PARP8: variants seen among roughly 807,000 people sequenced by gnomAD.
The protein encoded by PARP8 is protein mono-ADP-ribosyltransferase PARP8.
In PARP8, 51 loss-of-function variants were observed where a neutral mutation model predicts 124.1. The observed-to-expected ratio is 0.41, with a 90% CI of 0.33 to 0.52. The LOEUF (loss-of-function observed/expected upper bound fraction) is 0.52, where lower values mean the gene tolerates loss of function less well. PARP8 is among the 20% of genes least tolerant of loss of function. The probability of loss-of-function intolerance (pLI) is 0.21; values close to 1 mark genes in which losing one functional copy is unlikely to be tolerated. For missense variants in PARP8, 860 were observed against 1,018.9 expected (o/e 0.84, Z 2.12); for synonymous variants, 391 against 361.5 (o/e 1.08, Z -0.93).
intron 2 of PARP8, among the ~76,000 whole-genome samples, chr5:50,729,054 CATT>C (rs1480241400): frequency 2.0e-5 from 3 of 152,056 alleles, no homozygotes; most frequent in African/African-American, 7.2e-5. Context: ...TTATGGAACA[CATT>C]AGTGTGCGGT....
At chr5:50,731,538 A>C (rs1756976312) in intron 2 of PARP8, among the ~76,000 whole-genome samples, 1 of 152,212 alleles carries the variant, frequency 6.6e-6, no homozygotes, top group Non-Finnish European at 1.5e-5. Context: ...AGGGTCGCTA[A>C]ACAGCTTTTT....
chr5:50,765,520 T>G lies in PARP8; in HGVS notation c.518+2278T>G, dbSNP rs559479518. ...TGCTGAAATTAGATTAAAAAATGTT[T>G]GGAAATTCAGTCAAATGAAGTATCT... is the stretch of plus-strand genomic sequence containing the variant. On this transcript the variant is annotated intron_variant, in intron 7 of 25. Transcript: ENST00000281631. Among the ~76,000 whole-genome samples, 18 of 152,308 alleles carry G rather than the reference T, an allele frequency of 1.2e-4. No homozygotes were observed. In the South Asian group the frequency reaches 3.3e-3, roughly 28 times the overall value.
intron 7 of PARP8, 136 bp from the exon 8 acceptor site, chr5:50,777,933 C>T (rs867582596): frequency 8.5e-5 from 56 of 661,258 alleles, no homozygotes; most frequent in African/African-American, 8.3e-4. Context: ...ATTTCATATC[C>T]ACAGTTAGAT....
At position 50,678,216 on chromosome 5, in the gene PARP8, A is replaced by G. The variant is rs537022318; in HGVS notation, c.146+10091A>G. Among the ~76,000 whole-genome samples, 18 of 152,326 alleles carry G rather than the reference A, an allele frequency of 1.2e-4. 1 individual carries two copies. Among genetic ancestry groups the G allele is most frequent in the African/African-American group, 4.3e-4 (18 of 41,596 alleles). On this transcript the variant is annotated intron_variant, in intron 2 of 25. Transcript: ENST00000281631. ...AAAATTCCCTGCCTACTAATTTTCA[A>G]TCACCATAGAAATACAATATTTAAT...
chr5:50,820,825 G>A (rs139100718), intron 15 of PARP8, among the ~76,000 whole-genome samples: 156 of 152,204 alleles, frequency 1.0e-3, no homozygotes, highest in African/African-American at 3.6e-3. Flanking sequence ...ACATTTAACA[G>A]TATCAGAAAT....
chr5:50,788,886 A>T (rs1258230099), intron 10 of PARP8, among the ~76,000 whole-genome samples: 1 of 152,092 alleles, frequency 6.6e-6, no homozygotes, highest in African/African-American at 2.4e-5. Flanking sequence ...AGTCCCTAAC[A>T]TGACCAGTGG....
chr5:50,733,160 C>A (rs1315128259), intron 2 of PARP8, among the ~76,000 whole-genome samples: 1 of 151,616 alleles, frequency 6.6e-6, no homozygotes, highest in Admixed American at 6.6e-5. Flanking sequence ...AAAAATTAGC[C>A]AGGCGTGGTG....
chr5:50,838,502 AAGG>A (rs1747828314), intron 25 of PARP8, among the ~76,000 whole-genome samples: 1 of 152,096 alleles, frequency 6.6e-6, no homozygotes, highest in Non-Finnish European at 1.5e-5. Context: ...AAGCCAAAAA[AAGG>A]AGAAAATTTT....
At chr5:50,684,309 G>C (rs1751614461) in intron 2 of PARP8, among the ~76,000 whole-genome samples, 1 of 151,984 alleles carries the variant, frequency 6.6e-6, no homozygotes, top group South Asian at 2.1e-4. Context: ...GGAAAATAAT[G>C]GTCCTGAAAT....
At chr5:50,787,278 C>T (rs1741366166) in intron 9 of PARP8, among the ~76,000 whole-genome samples, 1 of 152,204 alleles carries the variant, frequency 6.6e-6, no homozygotes, top group South Asian at 2.1e-4. Flanking sequence ...GCTCTTTGAC[C>T]AGTTGATCCT....
rs923692355 is a variant in PARP8, at chr5:50,843,353, C to G, written c.*1285C>G. 2 of 151,250 alleles carry G rather than the reference C, an allele frequency of 1.3e-5. No individual in the cohort carries two copies. The highest frequency in any genetic ancestry group is 4.9e-5 in the African/African-American group (2 of 41,066). The allele number at this position is 151,250 out of a possible 1,614,324, so 9.4% of individuals were successfully genotyped here. On this transcript the variant is annotated 3_prime_UTR_variant, in exon 26 of 26. Coordinates refer to ENST00000281631, the MANE Select transcript of PARP8 (RefSeq NM_024615.4). ...TCTATTCAAACCCTGAATCAAGGCT[C>G]TATCTGATTTTAATTTATGTAAAAA...
rs1487701268 is a variant in PARP8, at chr5:50,845,159, A to G, written c.*3091A>G. ...CCTTCATTTTTCTCCCCTTTGCTAA[A>G]AGAAAGAAAATCTATAATATGTAAG... is the stretch of plus-strand genomic sequence containing the variant. On this transcript the variant is annotated 3_prime_UTR_variant, in exon 26 of 26. Transcript: ENST00000281631. 1 of 151,714 alleles carries G rather than the reference A, an allele frequency of 6.6e-6. No individual in the cohort carries two copies. The highest frequency in any genetic ancestry group is 1.9e-4 in the East Asian group (1 of 5,176). 9.4% of individuals were successfully genotyped at this position (151,714 alleles called of 1,614,324 possible).
chr5:50,790,272 T>G (rs1054011810), intron 10 of PARP8, among the ~76,000 whole-genome samples: 29 of 152,320 alleles, frequency 1.9e-4, no homozygotes, highest in Middle Eastern at 3.4e-3. Flanking sequence ...ACTCACAGGA[T>G]AAATTTTCTC....
At chr5:50,787,322 C>T (rs879314689) in intron 9 of PARP8, among the ~76,000 whole-genome samples, 2 of 152,178 alleles carry the variant, frequency 1.3e-5, no homozygotes, top group Non-Finnish European at 2.9e-5. Context: ...CTGCTCTCAT[C>T]TCCTGACATG....
intron 3 of PARP8, among the ~76,000 whole-genome samples, chr5:50,755,620 C>G (rs1162275634): frequency 2.0e-5 from 3 of 152,152 alleles, no homozygotes; most frequent in African/African-American, 7.2e-5. Flanking sequence ...AGTTTGATGC[C>G]TCCAGCTTTG....
At chr5:50,689,823 T>C (rs1752300794) in intron 2 of PARP8, among the ~76,000 whole-genome samples, 1 of 152,146 alleles carries the variant, frequency 6.6e-6, no homozygotes, top group Non-Finnish European at 1.5e-5. Context: ...GAGGCATAGG[T>C]CCCACCATGC....
chr5:50,792,888 C>G (rs1742123239), intron 10 of PARP8, among the ~76,000 whole-genome samples: 1 of 152,100 alleles, frequency 6.6e-6, no homozygotes, highest in African/African-American at 2.4e-5. Context: ...AAGTGATATA[C>G]TTTCTGGCGA....
chr5:50,733,181 A>C (rs1448015041), intron 2 of PARP8, among the ~76,000 whole-genome samples: 1 of 151,742 alleles, frequency 6.6e-6, no homozygotes, highest in Admixed American at 6.6e-5. Context: ...TTGTGTGCCT[A>C]TAATCCCAGC....
rs540287142 is a variant in PARP8 at position 50,672,821 on chromosome 5, T to C, written c.146+4696T>C. On this transcript the variant is annotated intron_variant, in intron 2 of 25. Coordinates refer to ENST00000281631, the MANE Select transcript of PARP8 (RefSeq NM_024615.4). ...TAAAGGGCCTTTGTTTTCTTTGGAG[T>C]TCCCCAGAAAGGAGAAGTGTATGTG... Among the ~76,000 whole-genome samples, 139 of 152,002 alleles carry C rather than the reference T, an allele frequency of 9.1e-4. 1 individual carries two copies. The highest frequency in any genetic ancestry group is 3.1e-3 in the African/African-American group (130 of 41,442).
Sources: gnomAD v4.1 joint callset for allele counts (sites outside exome capture counted in the v4.1 genomes callset) on GRCh38, gnomAD v4.1.1 for gene constraint, MANE v1.5 for transcripts, NCBI Gene and HGNC (gene_info 2026-07-23, HGNC 2026-07-21) for gene names.